DOK7: variants seen among roughly 807,000 people sequenced by gnomAD.
DOK7 encodes docking protein 7.
A neutral mutation model predicts 30.7 loss-of-function variants in DOK7; 32 were observed. The ratio of observed to expected loss-of-function variants is 1.04; its 90% CI spans 0.79 to 1.40. DOK7 has a LOEUF of 1.40. DOK7 is among the 40% of genes most tolerant of loss of function. DOK7 has a pLI of 0.00. For synonymous variants in DOK7, 447 were observed against 324.1 expected (o/e 1.38, Z -4.07); for missense variants, 1,007 against 699.2 (o/e 1.44, Z -4.97).
In DOK7 at chr4:3,490,730, ATTCC is replaced by A. The variant is rs1315489468; in HGVS notation, c.772+946_772+949del. Among the ~76,000 whole-genome samples, 27 of 63,724 alleles carry A rather than the reference ATTCC, an allele frequency of 4.2e-4. No homozygotes were observed. The South Asian group carries it at 5.2e-3, about 12-fold the overall frequency. 41.8% of individuals were successfully genotyped at this position (63,724 alleles called of 152,430 possible). A position where few individuals can be genotyped will look rare whatever the true frequency, so the allele number is the denominator to read the frequency against. Reference sequence around the variant, plus strand: ...TGCATTCCTTCATTTCCCCCCACTCATTCCTTCCTTCCTTCTTCCTCCTGCTCAT... The same window carrying A: ...TGCATTCCTTCATTTCCCCCCACTCATTCCTTCCTTCTTCCTCCTGCTCAT... On this transcript the variant is annotated intron_variant, in intron 6 of 6. Transcript: ENST00000340083.
Position 3,493,906 on chromosome 4 carries a change from C to T in DOK7, c.*405C>T. On this transcript the variant is annotated 3_prime_UTR_variant, in exon 7 of 7. Coordinates refer to ENST00000340083, the MANE Select transcript of DOK7 (RefSeq NM_173660.5). ...GCCCCCTTCGGGGGTGGCCGGTTCT[C>T]CCCATCACCTCTCTGGGGCAGTCAC... 1.9e-6 allele frequency: 2 copies of T among 1,058,942 alleles called. No homozygotes were observed. The highest frequency in any genetic ancestry group is 2.3e-6 in the Non-Finnish European group (2 of 877,976). 65.6% of individuals were successfully genotyped at this position (1,058,942 alleles called of 1,614,324 possible).
At chr4:3,479,622 G>C (rs1727319062) in intron 4 of DOK7, among the ~76,000 whole-genome samples, 1 of 152,234 alleles carries the variant, frequency 6.6e-6, no homozygotes, top group African/African-American at 2.4e-5. Flanking sequence ...CAGCTCTGCA[G>C]AGAGCAGAGA....
downstream of DOK7, among the ~76,000 whole-genome samples, chr4:3,497,925 C>T (rs989898737): frequency 6.6e-6 from 1 of 152,186 alleles, no homozygotes; most frequent in South Asian, 2.1e-4. Context: ...TCCCCGAGGC[C>T]ACCCGTACCC....
At chr4:3,480,107 C>G (rs1434417016) in intron 4 of DOK7, among the ~76,000 whole-genome samples, 2 of 152,174 alleles carry the variant, frequency 1.3e-5, no homozygotes, top group Non-Finnish European at 2.9e-5. Context: ...GTGAGCCCAC[C>G]CAGAGCCTAG....
downstream of DOK7, among the ~76,000 whole-genome samples, chr4:3,494,806 C>T (rs1174800362): frequency 6.6e-6 from 1 of 152,172 alleles, no homozygotes; most frequent in Non-Finnish European, 1.5e-5. Context: ...GGGCGGACCT[C>T]AGGAGGGGGC....
At chr4:3,489,645 A>T in intron 5 of DOK7, 32 bp from the exon 6 acceptor site, 1 of 1,558,748 alleles carries the variant, frequency 6.4e-7, no homozygotes, top group Non-Finnish European at 8.7e-7. Flanking sequence ...GGTGGTGGCC[A>T]CCTCCTCCAC....
intron 4 of DOK7, among the ~76,000 whole-genome samples, chr4:3,478,176 C>G (rs1381982332): frequency 6.6e-6 from 1 of 152,206 alleles, no homozygotes; most frequent in African/African-American, 2.4e-5. Context: ...GCCGCGTGCT[C>G]ACCCTCTAAG....
In DOK7 at chr4:3,493,468, C is replaced by T. The variant is rs771501211; in HGVS notation, c.1482C>T (p.Val494=). The T allele has an allele frequency of 1.5e-5, 24 of 1,610,828 alleles. No individual in the cohort carries two copies. The Admixed American group carries it at 2.3e-4, about 16-fold the overall frequency. Residue 494 remains valine, a synonymous_variant, in exon 7 of 7, where the codon GTC becomes GTT. Transcript: ENST00000340083. The part of the protein sequence containing the change: ...PPPAFFSACP[V]CGGLKVNPPP ...CGGCTTTCTTTTCGGCATGTCCAGTCTGTGGAGGACTCAAGGTAAACCCCC... is the reference window on the plus strand; with the variant it reads ...CGGCTTTCTTTTCGGCATGTCCAGTTTGTGGAGGACTCAAGGTAAACCCCC...
intron 2 of DOK7, among the ~76,000 whole-genome samples, chr4:3,464,452 C>G (rs115653313): frequency 6.6e-6 from 1 of 152,224 alleles, no homozygotes; most frequent in African/African-American, 2.4e-5. Flanking sequence ...CTCAGCCCTC[C>G]GTGCCCAGAC....
At chr4:3,492,206 C>G (rs577653248) in intron 6 of DOK7, among the ~76,000 whole-genome samples, 2 of 152,108 alleles carry the variant, frequency 1.3e-5, no homozygotes, top group Non-Finnish European at 2.9e-5. Flanking sequence ...CTTCTCATCC[C>G]CCGCAGGGAG....
downstream of DOK7, among the ~76,000 whole-genome samples, chr4:3,499,124 T>C (rs757256592): frequency 5.9e-5 from 9 of 152,220 alleles, no homozygotes; most frequent in Non-Finnish European, 1.0e-4. Flanking sequence ...CAGGAGAACC[T>C]GGTCTGCTGA....
In DOK7 at chr4:3,485,617, C is replaced by T. The variant is rs1219693310; in HGVS notation, c.611C>T (p.Ser204Phe). ...TTCGACTGCATCGTCCGAGGCATCT[C>T]CCCCACCAAGGGCCCCTTTGGGCTG... Reference protein sequence around the residue: ...FLFDCIVRGISPTKGPFGLRP... With the variant: ...FLFDCIVRGIFPTKGPFGLRP... Residue 204 changes from serine to phenylalanine, a missense_variant, in exon 5 of 7, where the codon TCC (serine) becomes TTC (phenylalanine). Transcript: ENST00000340083. 3 of 1,607,070 alleles carry T rather than the reference C, an allele frequency of 1.9e-6. No homozygotes were observed. Among genetic ancestry groups the T allele is most frequent in the Non-Finnish European group, 2.5e-6 (3 of 1,176,590 alleles).
Position 3,494,137 on chromosome 4 carries a change from G to A in DOK7, c.*636G>A, listed in dbSNP as rs1297726384. 5 of 985,666 alleles carry A rather than the reference G, an allele frequency of 5.1e-6. No homozygotes were observed. Among genetic ancestry groups the A allele is most frequent in the South Asian group, 9.4e-5 (2 of 21,308 alleles). The allele number at this position is 985,666 out of a possible 1,614,324, so 61.1% of individuals were successfully genotyped here. A position where few individuals can be genotyped will look rare whatever the true frequency, so the allele number is the denominator to read the frequency against. The stretch of plus-strand genomic sequence containing the variant: ...CCCTTGTGGGAAGGTTCCGGGAGCA[G>A]GTGGTGTCCTCAGAGCAGCCTCGCC... On this transcript the variant is annotated 3_prime_UTR_variant, in exon 7 of 7. Coordinates refer to ENST00000340083, the MANE Select transcript of DOK7 (RefSeq NM_173660.5).
chr4:3,496,055 AGCTGCCG>A (rs1437645202), downstream of DOK7, among the ~76,000 whole-genome samples: 2 of 152,122 alleles, frequency 1.3e-5, no homozygotes, highest in African/African-American at 4.8e-5. Flanking sequence ...CCTTCTTTCT[AGCTGCCG>A]GCTGCCGGAA....
At chr4:3,479,159 G>T (rs1343897234) in intron 4 of DOK7, among the ~76,000 whole-genome samples, 1 of 152,226 alleles carries the variant, frequency 6.6e-6, no homozygotes, top group Non-Finnish European at 1.5e-5. Flanking sequence ...GGTCCTTCCT[G>T]CCCCTTCCAG....
In DOK7 at chr4:3,492,907, C is replaced by T. The variant is rs138148221; in HGVS notation, c.921C>T (p.Ala307=). 712 of 1,574,742 alleles carry T rather than the reference C, an allele frequency of 4.5e-4. 3 individuals carry two copies. The Middle Eastern group carries it at 8.1e-3, about 18-fold the overall frequency. ...EGPRPAAAQA[A]GEAMVGASRP... ...CTAGACCAGCAGCTGCCCAGGCCGC[C>T]GGGGAAGCCATGGTGGGTGCCTCAA... Residue 307 remains alanine, a synonymous_variant, in exon 7 of 7, where the codon GCC becomes GCT. Coordinates refer to ENST00000340083, the MANE Select transcript of DOK7 (RefSeq NM_173660.5).
At chr4:3,491,390 CTTCCTGCTCACCCCAGCTTCCTTCT>C (rs1171404124) in intron 6 of DOK7, among the ~76,000 whole-genome samples, 32 of 133,498 alleles carry the variant, frequency 2.4e-4, no homozygotes, top group Admixed American at 5.1e-4. Context: ...TCGTTCATTC[CTTCCTGCTCACCCCAGCTTCCTTCT>C]TTCCTTCTTC....
At chr4:3,466,686 G>C (rs1393034444) in intron 2 of DOK7, among the ~76,000 whole-genome samples, 3 of 152,186 alleles carry the variant, frequency 2.0e-5, no homozygotes, top group African/African-American at 4.8e-5. Flanking sequence ...TCCACATGTG[G>C]GAGCAGTGAC....
Position 3,493,640 on chromosome 4 carries a change from G to T in DOK7, c.*139G>T. Reference sequence around the variant, plus strand: ...GGGGGTCTCCCGGAGAGGGGAGCTGGAGGGCGCGCCCTGTGGCTGCCACCG... The same window carrying T: ...GGGGGTCTCCCGGAGAGGGGAGCTGTAGGGCGCGCCCTGTGGCTGCCACCG... On this transcript the variant is annotated 3_prime_UTR_variant, in exon 7 of 7. Transcript: ENST00000340083. 6.8e-7 allele frequency: 1 copy of T among 1,477,236 alleles called. No homozygotes were observed. The highest frequency in any genetic ancestry group is 9.0e-7 in the Non-Finnish European group (1 of 1,111,922). The allele number at this position is 1,477,236 out of a possible 1,614,324, so 91.5% of individuals were successfully genotyped here.
Sources: allele counts gnomAD v4.1 joint callset (sites outside exome capture counted in the v4.1 genomes callset), GRCh38; gene constraint gnomAD v4.1.1; transcripts MANE v1.5; gene names NCBI Gene and HGNC (gene_info 2026-07-23, HGNC 2026-07-21).